Variants in ABCA13 observed in about 807,000 individuals in gnomAD.
The protein encoded by ABCA13 is ATP binding cassette subfamily A member 13.
In ABCA13, 476 loss-of-function variants were observed where a neutral mutation model predicts 478.7. That is an observed-to-expected ratio of 0.99 (90% CI 0.92 to 1.07). The LOEUF is 1.07. Ranked by LOEUF, ABCA13 falls within the 50% of genes least tolerant of loss-of-function variation. ABCA13 has a pLI of 0.00. For missense variants in ABCA13, 6,060 were observed against 5,910.6 expected, an observed-to-expected ratio of 1.03 and a Z score of -0.83; for synonymous variants, 2,252 against 2,158.9, an observed-to-expected ratio of 1.04 and a Z score of -1.20.
At chr7:48,563,757 C>T (rs1180513225) in intron 55 of ABCA13, among the ~76,000 whole-genome samples, 8 of 148,996 alleles carry the variant, frequency 5.4e-5, no homozygotes, top group Admixed American at 6.7e-5. Context: ...TAATTATATC[C>T]GTGTATGGTC....
chr7:48,305,085 TA>T (rs1800705210), intron 23 of ABCA13, among the ~76,000 whole-genome samples: 1 of 152,240 alleles, frequency 6.6e-6, no homozygotes. Context: ...TTCTTAGTAG[TA>T]ACGTCATTTT....
chr7:48,171,675 G>A, intron 1 of ABCA13, 123 bp downstream of exon 1: 1 of 1,104,454 alleles, frequency 9.1e-7, no homozygotes, highest in Non-Finnish European at 1.3e-6. Flanking sequence ...AGGGAATTTG[G>A]GGAGGTTGGA....
chr7:48,341,822 T>A (rs996542953), intron 29 of ABCA13, among the ~76,000 whole-genome samples: 1 of 98,800 alleles, frequency 1.0e-5, no homozygotes, highest in African/African-American at 3.4e-5. Context: ...GATATATATA[T>A]ATATCTTTCT....
intron 31 of ABCA13, among the ~76,000 whole-genome samples, chr7:48,366,921 G>A (rs1433517): frequency 0.14 from 20,842 of 152,096 alleles, 1,587 homozygotes; most frequent in East Asian, 0.31. Flanking sequence ...CGACACACTG[G>A]AATGAAAGAT....
At chr7:48,578,828 C>T (rs999210593) in intron 55 of ABCA13, among the ~76,000 whole-genome samples, 1 of 152,156 alleles carries the variant, frequency 6.6e-6, no homozygotes, top group African/African-American at 2.4e-5. Context: ...CCAGAGATAG[C>T]CCCACATCAA....
chr7:48,253,307 A>G (rs1405836947), intron 15 of ABCA13, among the ~76,000 whole-genome samples: 1 of 152,180 alleles, frequency 6.6e-6, no homozygotes, highest in African/African-American at 2.4e-5. Flanking sequence ...GAAACCAGTC[A>G]CTTCGGCAGC....
intron 3 of ABCA13, 25 bp downstream of exon 3, chr7:48,198,385 T>C: frequency 6.2e-7 from 1 of 1,611,012 alleles, no homozygotes; most frequent in Middle Eastern, 1.7e-4. Context: ...AAGATCTTTT[T>C]CAGAAATCTC....
chr7:48,606,327 C>G (rs968996680), intron 58 of ABCA13, among the ~76,000 whole-genome samples: 5 of 152,114 alleles, frequency 3.3e-5, no homozygotes, highest in Non-Finnish European at 5.9e-5. Context: ...CCTTTTTGCT[C>G]TGGTTTCACC....
At chr7:48,411,032 T>TTTCTTTCTTTCTTTC (rs1819023541) in intron 40 of ABCA13, among the ~76,000 whole-genome samples, 1 of 118,784 alleles carries the variant, frequency 8.4e-6, no homozygotes, top group Non-Finnish European at 1.8e-5. Context: ...TCTTTCTTTC[T>TTTCTTTCTTTCTTTC]TTCTTTCTTT....
chr7:48,304,706 C>G (rs185372168), intron 23 of ABCA13, among the ~76,000 whole-genome samples: 2 of 152,146 alleles, frequency 1.3e-5, no homozygotes, highest in Admixed American at 1.3e-4. Context: ...GGTTCATACA[C>G]CAAACCTCAG....
At chr7:48,190,637 G>A (rs1796977642) in intron 1 of ABCA13, among the ~76,000 whole-genome samples, 1 of 152,058 alleles carries the variant, frequency 6.6e-6, no homozygotes, top group Non-Finnish European at 1.5e-5. Context: ...TGATATCACT[G>A]GCCCCAAATA....
At chr7:48,178,002 C>T (rs1341400633) in intron 1 of ABCA13, among the ~76,000 whole-genome samples, 2 of 152,164 alleles carry the variant, frequency 1.3e-5, no homozygotes, top group Non-Finnish European at 2.9e-5. Flanking sequence ...AGTTCAGAAA[C>T]CGAATTAATA....
chr7:48,445,100 C>T (rs1824124360), intron 42 of ABCA13, among the ~76,000 whole-genome samples: 1 of 151,800 alleles, frequency 6.6e-6, no homozygotes, highest in Admixed American at 6.6e-5. Flanking sequence ...CCTCCAGCTC[C>T]TAGGTTCAAG....
At chr7:48,532,471 G>A (rs1384314178) in intron 55 of ABCA13, among the ~76,000 whole-genome samples, 1 of 151,720 alleles carries the variant, frequency 6.6e-6, no homozygotes, top group Non-Finnish European at 1.5e-5. Context: ...TTCTTTTTTT[G>A]TTATGTCCTT....
intron 3 of ABCA13, among the ~76,000 whole-genome samples, chr7:48,206,061 G>C (rs372696159): frequency 1.9e-4 from 29 of 152,246 alleles, no homozygotes; most frequent in African/African-American, 6.7e-4. Context: ...CCAGGCAATA[G>C]CTTGTCTGCT....
In ABCA13 at chr7:48,586,284, C is replaced by A. The variant is rs544100960; in HGVS notation, c.14506-870C>A. Among the ~76,000 whole-genome samples, 3 of 152,212 alleles carry A rather than the reference C, an allele frequency of 2.0e-5. No homozygotes were observed. The East Asian group carries it at 5.8e-4, about 29-fold the overall frequency. On this transcript the variant is annotated intron_variant, in intron 56 of 61. Transcript: ENST00000435803. ...ATAAGAAATATTTCCCATTCTCCTC[C>A]CCATCTCTAGTTACTTTATAAACCA...
chr7:48,272,334 G>C lies in ABCA13; in HGVS notation c.2668G>C (p.Asp890His). 6.2e-7 allele frequency: 1 copy of C among 1,613,712 alleles called. No individual in the cohort carries two copies. The highest frequency in any genetic ancestry group is 8.5e-7 in the Non-Finnish European group (1 of 1,179,748). Residue 890 changes from aspartate (D) to histidine (H), a missense_variant, in exon 17 of 62, where the codon GAT becomes CAT. Transcript: ENST00000435803. ...GCCTAAATCACCAGCTATGAACATA[G>C]ATTTTGTACGTTTAAGTGAGGCTAT... ...DWPKSPAMNI[D>H]FVRLSEAIIT...
At chr7:48,489,428 A>T (rs1829648075) in intron 48 of ABCA13, 84 bp downstream of exon 48, 4 of 1,240,854 alleles carry the variant, frequency 3.2e-6, no homozygotes, top group Non-Finnish European at 4.5e-6. Flanking sequence ...AAGTTTCTGA[A>T]TAGAAATGTG....
At chr7:48,338,621 T>C (rs1273266743) in intron 29 of ABCA13, among the ~76,000 whole-genome samples, 166 bp downstream of exon 29, 1 of 152,228 alleles carries the variant, frequency 6.6e-6, no homozygotes, top group Non-Finnish European at 1.5e-5. Flanking sequence ...TTGAACTAAA[T>C]ACTCCCCAAA....
Sources: gnomAD v4.1 joint callset for allele counts (sites outside exome capture counted in the v4.1 genomes callset) on GRCh38, gnomAD v4.1.1 for gene constraint, MANE v1.5 for transcripts, NCBI Gene and HGNC (gene_info 2026-07-23, HGNC 2026-07-21) for gene names.